The following ABR variants were observed in gnomAD, a reference collection of about 807,000 sequenced individuals.
The protein encoded by ABR is active breakpoint cluster region-related protein.
A neutral mutation model predicts 107.2 loss-of-function variants in ABR; 35 were observed. The ratio of observed to expected loss-of-function variants is 0.33; its 90% CI spans 0.25 to 0.43. The LOEUF is 0.43. ABR is among the 20% of genes least tolerant of loss of function. ABR has a pLI of 1.00. For synonymous variants in ABR, 498 were observed against 462.0 expected, an observed-to-expected ratio of 1.08 and a Z score of -1.00; for missense variants, 815 against 1,115.2, an observed-to-expected ratio of 0.73 and a Z score of 3.83.
chr17:1,122,171 G>A (rs1409282683), intron 2 of ABR, among the ~76,000 whole-genome samples: 2 of 152,228 alleles, frequency 1.3e-5, no homozygotes, highest in African/African-American at 4.8e-5. Flanking sequence ...CCAGAGTGCT[G>A]GGATTCCAGG....
intron 16 of ABR, among the ~76,000 whole-genome samples, chr17:1,020,153 A>G (rs539666927): frequency 3.3e-5 from 5 of 151,930 alleles, no homozygotes; most frequent in East Asian, 3.9e-4. Context: ...GCGCGATCTC[A>G]GCTCACTGCA....
intron 16 of ABR, among the ~76,000 whole-genome samples, chr17:1,022,124 A>AAAAAAAAAAAAAAAAAAC (rs1567591966): frequency 1.3e-5 from 2 of 150,964 alleles, no homozygotes; most frequent in East Asian, 3.9e-4. Context: ...AAAAAAAAAA[A>AAAAAAAAAAAAAAAAAAC]ACAGAAAATG....
chr17:1,091,909 C>T, intron 3 of ABR, 59 bp from the exon 4 acceptor site: 13 of 1,540,290 alleles, frequency 8.4e-6, no homozygotes, highest in Non-Finnish European at 1.1e-5. Context: ...AGAGTGTCGG[C>T]AGGCCCCGGG....
At chr17:1,056,225 T>G in intron 13 of ABR, 116 bp from the exon 14 acceptor site, 1 of 885,136 alleles carries the variant, frequency 1.1e-6, no homozygotes, top group Non-Finnish European at 1.8e-6. Flanking sequence ...TGGTCCAACA[T>G]CACCACCTGG....
chr17:1,021,425 G>A (rs998944238), intron 16 of ABR, among the ~76,000 whole-genome samples: 16 of 152,160 alleles, frequency 1.1e-4, no homozygotes, highest in Non-Finnish European at 1.5e-4. Context: ...CACGGCTGGC[G>A]CTCTTCTACC....
At chr17:1,217,199 T>C (rs1363127386) in intron 1 of ABR, among the ~76,000 whole-genome samples, 1 of 152,180 alleles carries the variant, frequency 6.6e-6, no homozygotes. Flanking sequence ...TTCTCCGTAA[T>C]AGGACCCCAA....
At chr17:1,041,694 T>C (rs1837298436) in intron 16 of ABR, among the ~76,000 whole-genome samples, 1 of 152,096 alleles carries the variant, frequency 6.6e-6, no homozygotes, top group Admixed American at 6.5e-5. Context: ...GACTGCGCCA[T>C]TACACTCAGC....
At chr17:1,034,671 G>A (rs1317940393) in intron 16 of ABR, among the ~76,000 whole-genome samples, 2 of 152,094 alleles carry the variant, frequency 1.3e-5, no homozygotes, top group Non-Finnish European at 2.9e-5. Context: ...CAGCAAACGT[G>A]CAATGGCTGT....
chr17:1,213,294 C>G (rs1251071690), intron 1 of ABR, among the ~76,000 whole-genome samples: 1 of 152,198 alleles, frequency 6.6e-6, no homozygotes, highest in Non-Finnish European at 1.5e-5. Flanking sequence ...ACCCAACTAG[C>G]AAACTAAGGG....
intron 16 of ABR, among the ~76,000 whole-genome samples, chr17:1,019,351 C>T (rs1853104541): frequency 6.6e-6 from 1 of 152,270 alleles, no homozygotes; most frequent in African/African-American, 2.4e-5. Context: ...ACACTTGCTG[C>T]TGTCTCACAC....
intron 16 of ABR, among the ~76,000 whole-genome samples, chr17:1,039,362 G>A (rs1226215057): frequency 6.6e-6 from 1 of 152,190 alleles, no homozygotes; most frequent in Non-Finnish European, 1.5e-5. Context: ...CCCAAAATCA[G>A]GAACACCTGG....
intron 3 of ABR, among the ~76,000 whole-genome samples, chr17:1,097,157 C>A (rs1859600515): frequency 6.6e-6 from 1 of 152,166 alleles, no homozygotes; most frequent in Admixed American, 6.5e-5. Context: ...GATCTAAGGG[C>A]TCCGTGTCTG....
Position 1,119,527 on chromosome 17 carries a change from G to C in ABR, c.246+5656C>G, listed in dbSNP as rs1341700088. ...TATCCCTGAGCCTGAGTTCTTCCCA[G>C]CGTTATTGCCTGAGCCTTCCTTGCT... On this transcript the variant is annotated intron_variant, in intron 2 of 22. Transcript: ENST00000302538. 1.8e-5 allele frequency among the ~76,000 whole-genome samples: 2 copies of C among 108,262 alleles called. 1 individual carries two copies. Among genetic ancestry groups the C allele is most frequent in the African/African-American group, 6.9e-5 (2 of 28,886 alleles). 71.0% of individuals were successfully genotyped at this position (108,262 alleles called of 152,430 possible).
intron 1 of ABR, among the ~76,000 whole-genome samples, chr17:1,162,477 T>C (rs2041340046): frequency 2.0e-5 from 3 of 152,212 alleles, no homozygotes; most frequent in South Asian, 2.1e-4. Context: ...TACCCCCAGC[T>C]CCCCACTGTG....
At chr17:1,081,637 C>T (rs149241704) in intron 5 of ABR, among the ~76,000 whole-genome samples, 364 of 152,262 alleles carry the variant, frequency 2.4e-3, no homozygotes, top group Non-Finnish European at 4.2e-3. Flanking sequence ...AGTGCAGTGG[C>T]GTGATCGCAG....
chr17:1,083,741 C>T (rs1483014441), intron 4 of ABR, 114 bp from the exon 5 acceptor site: 7 of 843,220 alleles, frequency 8.3e-6, no homozygotes, highest in Non-Finnish European at 1.4e-5. Context: ...AAACCTCTCA[C>T]TCAGCTCGTT....
chr17:1,010,470 C>T lies in ABR; in HGVS notation c.2236+259G>A, dbSNP rs2070436046. The T allele has an allele frequency of 4.0e-6, 2 of 504,696 alleles. No homozygotes were observed. Among genetic ancestry groups the T allele is most frequent in the Non-Finnish European group, 7.1e-6 (2 of 281,076 alleles). 31.3% of individuals were successfully genotyped at this position (504,696 alleles called of 1,614,324 possible). A position where few individuals can be genotyped will look rare whatever the true frequency, so the allele number is the denominator to read the frequency against. ...ATGCTCGAGCTTCCAAGCAAGAGGC[C>T]AACGTCCAAATAGGAAGCAGAAGGG... is the stretch of plus-strand genomic sequence containing the variant. On this transcript the variant is annotated intron_variant, in intron 20 of 22. Transcript: ENST00000302538. The surrounding 1 kb of genome is among the most constrained non-coding windows in gnomAD (Gnocchi z 4.1).
At chr17:1,094,977 A>T (rs1005898017) in intron 3 of ABR, among the ~76,000 whole-genome samples, 1 of 152,204 alleles carries the variant, frequency 6.6e-6, no homozygotes, top group Non-Finnish European at 1.5e-5. Flanking sequence ...TCCATGAGGG[A>T]CATGGAACTA....
intron 16 of ABR, among the ~76,000 whole-genome samples, chr17:1,014,327 G>C (rs574205306): frequency 7.6e-6 from 1 of 131,700 alleles, no homozygotes; most frequent in Non-Finnish European, 1.6e-5. Context: ...TGTAGTCCCA[G>C]CTACTTGGGA....
Sources: gnomAD v4.1 joint callset for allele counts (sites outside exome capture counted in the v4.1 genomes callset) on GRCh38, gnomAD v4.1.1 for gene constraint, Gnocchi (gnomAD v3.1) non-coding constraint, MANE v1.5 for transcripts, NCBI Gene and HGNC (gene_info 2026-07-23, HGNC 2026-07-21) for gene names.